Variants in AOAH observed in about 807,000 individuals in gnomAD.
AOAH encodes the protein acyloxyacyl hydrolase (neutrophil).
Under a neutral mutation model 92.2 loss-of-function variants are expected in AOAH, and 64 were observed. The observed-to-expected ratio is 0.69, with a 90% confidence interval of 0.57 to 0.86. The LOEUF (loss-of-function observed/expected upper bound fraction) is 0.86. AOAH is among the 40% of genes least tolerant of loss of function. AOAH has a pLI of 0.00. For missense variants in AOAH, 656 were observed against 694.6 expected (o/e 0.94, Z 0.62); for synonymous variants, 263 against 254.5 (o/e 1.03, Z -0.32).
chr7:36,705,195 T>C (rs1798313899), intron 1 of AOAH, among the ~76,000 whole-genome samples: 2 of 152,296 alleles, frequency 1.3e-5, no homozygotes, highest in Admixed American at 6.5e-5. Context: ...GAAAGTCAAA[T>C]TATCTCTGTT....
chr7:36,689,060 T>C (rs1232740120), intron 1 of AOAH, among the ~76,000 whole-genome samples: 1 of 152,084 alleles, frequency 6.6e-6, no homozygotes, highest in East Asian at 1.9e-4. Context: ...ACTGCAGTGG[T>C]TGGTTGCTGG....
At chr7:36,519,485 C>T (rs1349802390) in intron 20 of AOAH, among the ~76,000 whole-genome samples, 1 of 152,224 alleles carries the variant, frequency 6.6e-6, no homozygotes, top group East Asian at 1.9e-4. Context: ...GGCTGGAGTA[C>T]AATGGCATGA....
Position 36,632,069 on chromosome 7 carries a change from G to A in AOAH, c.488C>T (p.Pro163Leu), listed in dbSNP as rs749952482. The change falls in exon 6 of 21, where the codon CCG becomes CTG. Residue 163 changes from proline (P) to leucine (L), a missense_variant. Physicochemically the swap from Pro to Leu is moderately conservative, Grantham distance 98. Transcript: ENST00000617537. ...TTTCTGGCAGATCTTGGCCAAAACC[G>A]GGAGTGAACAAATGTCAGAACCACT... ...SRSGSDICSL[P>L]VLAKICQKIK... 1.5e-5 allele frequency: 24 copies of A among 1,612,834 alleles called. No homozygotes were observed. In the South Asian group the frequency reaches 1.5e-4, roughly 10 times the overall value.
At chr7:36,668,570 T>C (rs1171769165) in intron 3 of AOAH, among the ~76,000 whole-genome samples, 1 of 152,226 alleles carries the variant, frequency 6.6e-6, no homozygotes, top group Non-Finnish European at 1.5e-5. Context: ...CACTGCAACC[T>C]TCGCCTCCTG....
intron 20 of AOAH, among the ~76,000 whole-genome samples, chr7:36,515,429 CACACCACACACAA>C (rs1783581629): frequency 8.9e-6 from 1 of 112,014 alleles, no homozygotes; most frequent in Non-Finnish European, 1.9e-5. Context: ...ACACCCCCCA[CACACCACACACAA>C]ACACCACACA....
intron 15 of AOAH, among the ~76,000 whole-genome samples, chr7:36,543,713 T>A (rs74688365): frequency 0.014 from 2,200 of 152,278 alleles, 61 homozygotes; most frequent in African/African-American, 0.05. Flanking sequence ...AATCAAAATA[T>A]AAGCCTTGGT....
rs1277179275 is a variant in AOAH, at chr7:36,635,739, A to ATAGC, written c.450+2108_450+2111dup. 3.9e-5 allele frequency among the ~76,000 whole-genome samples: 6 copies of ATAGC among 152,272 alleles called. No individual in the cohort carries two copies. In the East Asian group the frequency reaches 1.2e-3, roughly 29 times the overall value. On this transcript the variant is annotated intron_variant, in intron 5 of 20. Transcript: ENST00000617537. Reference sequence around the variant, plus strand: ...AGTAGAAAGGGTACTGAACGTGGAGATAGCTAGCTCTGGATTTAAACGTGG... The same window carrying ATAGC: ...AGTAGAAAGGGTACTGAACGTGGAGATAGCTAGCTAGCTCTGGATTTAAACGTGG...
intron 4 of AOAH, among the ~76,000 whole-genome samples, chr7:36,649,417 C>T (rs1480796404): frequency 4.6e-5 from 7 of 152,152 alleles, no homozygotes. Context: ...CCTAGGCCAA[C>T]TAAGAATCCC....
In AOAH at chr7:36,532,046, G is replaced by A. The variant is rs1038380465; in HGVS notation, c.1425+101C>T. 6 of 1,394,256 alleles carry A rather than the reference G, an allele frequency of 4.3e-6. No homozygotes were observed. The Admixed American group carries it at 6.8e-5, about 16-fold the overall frequency. 86.4% of individuals were successfully genotyped at this position (1,394,256 alleles called of 1,614,324 possible). A position where few individuals can be genotyped will look rare whatever the true frequency, so the allele number is the denominator to read the frequency against. On this transcript the variant is annotated intron_variant, in intron 18 of 20. Coordinates refer to ENST00000617537, the MANE Select transcript of AOAH (RefSeq NM_001637.4). ...TGATTTTGTTATTCACCAGCTTGGAGACCATCTGCCTGCCAGGATCCCATC... is the reference window on the plus strand; with the variant it reads ...TGATTTTGTTATTCACCAGCTTGGAAACCATCTGCCTGCCAGGATCCCATC...
chr7:36,608,163 G>C (rs1276845361), intron 11 of AOAH, among the ~76,000 whole-genome samples: 1 of 152,180 alleles, frequency 6.6e-6, no homozygotes, highest in African/African-American at 2.4e-5. Flanking sequence ...TCCCCATGGG[G>C]GTGTCCAACA....
intron 11 of AOAH, among the ~76,000 whole-genome samples, chr7:36,600,926 T>A (rs1790522487): frequency 6.6e-6 from 1 of 152,094 alleles, no homozygotes; most frequent in Admixed American, 6.5e-5. Context: ...TTATGAAGAG[T>A]GCAGAATGAA....
intron 2 of AOAH, among the ~76,000 whole-genome samples, chr7:36,684,977 A>T: frequency 6.6e-6 from 1 of 150,874 alleles, no homozygotes; most frequent in Non-Finnish European, 1.5e-5. Context: ...AGAAAAGAAA[A>T]CATGAAAGAT....
At chr7:36,526,624 A>G (rs539776737) in intron 19 of AOAH, among the ~76,000 whole-genome samples, 1 of 152,324 alleles carries the variant, frequency 6.6e-6, no homozygotes, top group African/African-American at 2.4e-5. Context: ...GAATATCTGG[A>G]TTAAGTTTCT....
At chr7:36,536,581 G>C (rs1238638634) in intron 16 of AOAH, among the ~76,000 whole-genome samples, 1 of 152,176 alleles carries the variant, frequency 6.6e-6, no homozygotes, top group Non-Finnish European at 1.5e-5. Flanking sequence ...GAGCAGAAGA[G>C]AGACAGCATG....
chr7:36,625,168 C>G (rs1400517755), intron 6 of AOAH, among the ~76,000 whole-genome samples: 1 of 151,188 alleles, frequency 6.6e-6, no homozygotes, highest in Non-Finnish European at 1.5e-5. Context: ...CCCTGGGGGA[C>G]AGGGGAGGCT....
At chr7:36,713,283 C>G (rs1798896651) in intron 1 of AOAH, among the ~76,000 whole-genome samples, 1 of 147,994 alleles carries the variant, frequency 6.8e-6, no homozygotes, top group Non-Finnish European at 1.5e-5. Context: ...GCTAACTATC[C>G]TAAATATATA....
At chr7:36,590,120 AT>A (rs997388175) in intron 12 of AOAH, among the ~76,000 whole-genome samples, 1 of 152,000 alleles carries the variant, frequency 6.6e-6, no homozygotes, top group African/African-American at 2.4e-5. Context: ...TGCCAGGCTA[AT>A]TAAAAAAAAA....
chr7:36,636,576 A>G lies in AOAH; in HGVS notation c.450+1275T>C, dbSNP rs139859175. 3.9e-5 allele frequency among the ~76,000 whole-genome samples: 6 copies of G among 152,336 alleles called. No individual in the cohort carries two copies. In the East Asian group the frequency reaches 7.7e-4, roughly 20 times the overall value. ...TCAACAACTTAAGCAAATTAGCTCAACGGGCTACTGTTGGCCCTTAATTAT... is the reference window on the plus strand; with the variant it reads ...TCAACAACTTAAGCAAATTAGCTCAGCGGGCTACTGTTGGCCCTTAATTAT... On this transcript the variant is annotated intron_variant, in intron 5 of 20. Transcript: ENST00000617537.
At chr7:36,632,006 T>C in intron 6 of AOAH, 30 bp downstream of exon 6, 1 of 1,561,598 alleles carries the variant, frequency 6.4e-7, no homozygotes, top group Non-Finnish European at 8.8e-7. Context: ...TACATGCTAG[T>C]GCTCAGGAAG....
Sources: allele counts gnomAD v4.1 joint callset (sites outside exome capture counted in the v4.1 genomes callset), GRCh38; gene constraint gnomAD v4.1.1; transcripts MANE v1.5; gene names NCBI Gene and HGNC (gene_info 2026-07-23, HGNC 2026-07-21).